CHERP: variants seen among roughly 807,000 people sequenced by gnomAD.
CHERP encodes ERPROT 213-21.
A neutral mutation model predicts 113.8 loss-of-function variants in CHERP; 8 were observed. The ratio of observed to expected loss-of-function variants is 0.07; its 90% CI spans 0.04 to 0.13. CHERP has a LOEUF of 0.13. CHERP is among the 10% of genes least tolerant of loss of function. The pLI, the probability that CHERP is intolerant of heterozygous loss-of-function variation, is 1.00. For missense variants in CHERP, 884 were observed against 1,298.2 expected (o/e 0.68, Z 4.90); for synonymous variants, 559 against 524.5 (o/e 1.07, Z -0.90).
rs752750639 is a variant in CHERP at position 16,519,588 on chromosome 19, C to T, written c.2557+33G>A. ...TCCCGGGCCCAGCACGCGTGAGGAC[C>T]CATCCCGCGCCCTCCCCATTCCCTC... On this transcript the variant is annotated intron_variant, in intron 16 of 16. Transcript: ENST00000546361. This position sits in a 1 kb window ranked among gnomAD's most constrained non-coding sequence, Gnocchi z 6.0. The T allele has an allele frequency of 1.9e-6, 3 of 1,559,824 alleles. No individual in the cohort carries two copies. Among genetic ancestry groups the T allele is most frequent in the Non-Finnish European group, 2.7e-6 (3 of 1,130,798 alleles).
intron 12 of CHERP, 185 bp from the exon 13 acceptor site, chr19:16,521,097 T>TG: frequency 1.6e-6 from 1 of 627,652 alleles, no homozygotes; most frequent in Non-Finnish European, 2.9e-6. Context: ...TGCAGCCCAG[T>TG]GGCTCCTCTG....
At chr19:16,531,482 C>T (rs909822682) in intron 5 of CHERP, among the ~76,000 whole-genome samples, 19 of 152,116 alleles carry the variant, frequency 1.2e-4, no homozygotes, top group Non-Finnish European at 7.4e-5. Flanking sequence ...CCTGCCGCTG[C>T]GCAGGGAGAT....
rs1448882575 is a variant in CHERP, at chr19:16,519,158, C to T, written c.*1G>A. ...ACCGGCGCGGCTCCCGGCATGGGCG[C>T]CTACTTACACTCGTCCCTGGCCTTC... is the stretch of plus-strand genomic sequence containing the variant. On this transcript the variant is annotated 3_prime_UTR_variant, in exon 17 of 17. Coordinates refer to ENST00000546361, the MANE Select transcript of CHERP (RefSeq NM_006387.6). This position sits in a 1 kb window ranked among gnomAD's most constrained non-coding sequence, Gnocchi z 6.0. 7 of 1,611,938 alleles carry T rather than the reference C, an allele frequency of 4.3e-6. No individual in the cohort carries two copies. The highest frequency in any genetic ancestry group is 5.1e-6 in the Non-Finnish European group (6 of 1,179,500).
chr19:16,531,422 C>T (rs1188967553), intron 5 of CHERP, among the ~76,000 whole-genome samples: 1 of 152,084 alleles, frequency 6.6e-6, no homozygotes, highest in Non-Finnish European at 1.5e-5. Flanking sequence ...CCTCTCAGGG[C>T]TGCTGTGCAG....
Position 16,527,645 on chromosome 19 carries a change from ATC to A in CHERP, c.1305+433_1305+434del, listed in dbSNP as rs548877768. ...GGTATGTGACCCATAGCAAAGCTGC[ATC>A]TGAGGCCTCCCAGGGGCAACACGGC... On this transcript the variant is annotated intron_variant, in intron 9 of 16. Transcript: ENST00000546361. Among the ~76,000 whole-genome samples the A allele has an allele frequency of 3.3e-5, 5 of 152,334 alleles. No individual in the cohort carries two copies. In the South Asian group the frequency reaches 1.0e-3, roughly 32 times the overall value.
chr19:16,529,691 C>A lies in CHERP; in HGVS notation c.1086G>T (p.Pro362=). The A allele has an allele frequency of 6.4e-7, 1 of 1,572,462 alleles. No homozygotes were observed. The highest frequency in any genetic ancestry group is 1.1e-5 in the South Asian group (1 of 87,348). ...KATPPPPAPP[P]APAPAPAIPP... ...GGATGGCAGGGGCAGGTGCTGGGGC[C>A]GGGGGTGGAGCAGGCGGTGGAGGCG... Residue 362 remains proline, a synonymous_variant, in exon 8 of 17, where the codon CCG becomes CCT. Transcript: ENST00000546361.
At chr19:16,522,603 C>T (rs73513192) in intron 11 of CHERP, among the ~76,000 whole-genome samples, 191 of 152,230 alleles carry the variant, frequency 1.3e-3, no homozygotes, top group African/African-American at 4.5e-3. Flanking sequence ...ATGCTCCGGC[C>T]ATCCCACAGT....
intron 2 of CHERP, chr19:16,541,614 C>T: frequency 2.3e-6 from 1 of 436,026 alleles, no homozygotes; most frequent in South Asian, 3.9e-5. Flanking sequence ...CGTCATCAGT[C>T]TGCAAAACAA....
At chr19:16,528,661 A>C (rs887073340) in intron 8 of CHERP, among the ~76,000 whole-genome samples, 1 of 152,204 alleles carries the variant, frequency 6.6e-6, no homozygotes, top group Non-Finnish European at 1.5e-5. Flanking sequence ...TAATTTTAAA[A>C]TCCTTTGCTA....
intron 8 of CHERP, 89 bp from the exon 9 acceptor site, chr19:16,528,344 C>T (rs771523242): frequency 1.5e-5 from 20 of 1,290,874 alleles, no homozygotes; most frequent in Admixed American, 7.1e-5. Flanking sequence ...ACCAGGCTAC[C>T]GCTTTTAGTG....
intron 9 of CHERP, among the ~76,000 whole-genome samples, chr19:16,526,650 A>G (rs1336162014): frequency 6.6e-6 from 1 of 152,118 alleles, no homozygotes; most frequent in Non-Finnish European, 1.5e-5. Flanking sequence ...TATCTTTAGT[A>G]GAGGCGAGGT....
At position 16,523,702 on chromosome 19, in the gene CHERP, TATA is replaced by T. The variant is rs1180786848; in HGVS notation, c.1742-415_1742-413del. On this transcript the variant is annotated intron_variant, in intron 10 of 16. Transcript: ENST00000546361. The surrounding 1 kb of genome is among the most constrained non-coding windows in gnomAD (Gnocchi z 4.0). ...CCGAATCCAACGTGACTGTTGCCGTTATAATAAGAGATTAGGACACAGACATGT... is the reference window on the plus strand; with the variant it reads ...CCGAATCCAACGTGACTGTTGCCGTTATAAGAGATTAGGACACAGACATGT... Among the ~76,000 whole-genome samples, 4 of 151,884 alleles carry T rather than the reference TATA, an allele frequency of 2.6e-5. No individual in the cohort carries two copies. The highest frequency in any genetic ancestry group is 1.9e-4 in the East Asian group (1 of 5,140).
Position 16,532,793 on chromosome 19 carries a change from C to T in CHERP, c.523-44G>A, listed in dbSNP as rs1461787314. The T allele has an allele frequency of 7.6e-6, 12 of 1,577,834 alleles. No homozygotes were observed. Among genetic ancestry groups the T allele is most frequent in the Non-Finnish European group, 8.6e-6 (10 of 1,157,334 alleles). On this transcript the variant is annotated intron_variant, in intron 4 of 16. Transcript: ENST00000546361. This position sits in a 1 kb window ranked among gnomAD's most constrained non-coding sequence, Gnocchi z 4.4. Reference sequence around the variant, plus strand: ...TGACGAGTGAGCAGGGCCGCGGCTCCCCCAGGCACCCACTGCATCCCTGAG... The same window carrying T: ...TGACGAGTGAGCAGGGCCGCGGCTCTCCCAGGCACCCACTGCATCCCTGAG...
chr19:16,541,355 T>C (rs1306961618), intron 2 of CHERP: 1 of 152,512 alleles, frequency 6.6e-6, no homozygotes, highest in Admixed American at 6.5e-5. Flanking sequence ...TTTAAACTTC[T>C]TTAGAGCAGG....
chr19:16,530,035 C>T lies in CHERP; in HGVS notation c.877-135G>A. On this transcript the variant is annotated intron_variant, in intron 7 of 16. Transcript: ENST00000546361. The surrounding 1 kb of genome is among the most constrained non-coding windows in gnomAD (Gnocchi z 4.1). ...GTGGACAGGGAACCGTCACGTGAAA[C>T]AGCCAACACAGTCTGGGCAATCAGT... 8.8e-7 allele frequency: 1 copy of T among 1,140,608 alleles called. No individual in the cohort carries two copies. The highest frequency in any genetic ancestry group is 2.3e-5 in the Admixed American group (1 of 42,988). 70.7% of individuals were successfully genotyped at this position (1,140,608 alleles called of 1,614,324 possible).
intron 8 of CHERP, among the ~76,000 whole-genome samples, chr19:16,528,741 CAGG>C (rs1321493011): frequency 6.6e-6 from 1 of 152,156 alleles, no homozygotes; most frequent in Non-Finnish European, 1.5e-5. Flanking sequence ...ATCCCAAGGT[CAGG>C]AGATCGAGAC....
At position 16,523,529 on chromosome 19, in the gene CHERP, C is replaced by T. The variant is rs1330881088; in HGVS notation, c.1742-239G>A. Among the ~76,000 whole-genome samples, 2 of 152,120 alleles carry T rather than the reference C, an allele frequency of 1.3e-5. No homozygotes were observed. The highest frequency in any genetic ancestry group is 4.8e-5 in the African/African-American group (2 of 41,430). On this transcript the variant is annotated intron_variant, in intron 10 of 16. Coordinates refer to ENST00000546361, the MANE Select transcript of CHERP (RefSeq NM_006387.6). This position sits in a 1 kb window ranked among gnomAD's most constrained non-coding sequence, Gnocchi z 4.0. ...GCTTGAGGCTGAGAGAAGAGAACCC[C>T]AAAACCCCAAAACTGCACGGTGAGG...
chr19:16,530,948 C>T lies in CHERP; in HGVS notation c.675-68G>A, dbSNP rs747959932. The stretch of plus-strand genomic sequence containing the variant: ...GACCCGGCCACGCGCCCGTTACCAT[C>T]GCGGCTCCAGCCTCAGCGCCCTCTG... On this transcript the variant is annotated intron_variant, in intron 5 of 16. Transcript: ENST00000546361. This position sits in a 1 kb window ranked among gnomAD's most constrained non-coding sequence, Gnocchi z 4.1. 8.9e-6 allele frequency: 14 copies of T among 1,575,366 alleles called. No individual in the cohort carries two copies. Among genetic ancestry groups the T allele is most frequent in the African/African-American group, 1.4e-5 (1 of 74,070 alleles).
rs1050013566 is a variant in CHERP at position 16,519,917 on chromosome 19, G to A, written c.2463-202C>T. ...GACGCTGGCCCCCACCCCACGCTCA[G>A]CATTGAGAGCAGGACACCTCCAACC... On this transcript the variant is annotated intron_variant, in intron 15 of 16. Coordinates refer to ENST00000546361, the MANE Select transcript of CHERP (RefSeq NM_006387.6). This position sits in a 1 kb window ranked among gnomAD's most constrained non-coding sequence, Gnocchi z 6.0. The A allele has an allele frequency of 7.7e-5, 51 of 659,516 alleles. No homozygotes were observed. The East Asian group carries it at 1.4e-3, about 18-fold the overall frequency. The allele number at this position is 659,516 out of a possible 1,614,324, so 40.9% of individuals were successfully genotyped here.
Sources: allele counts gnomAD v4.1 joint callset (sites outside exome capture counted in the v4.1 genomes callset), GRCh38; gene constraint gnomAD v4.1.1; non-coding constraint Gnocchi (gnomAD v3.1); transcripts MANE v1.5; gene names NCBI Gene and HGNC (gene_info 2026-07-23, HGNC 2026-07-21).